Variants in LAMA2 observed in about 807,000 individuals in gnomAD.
LAMA2 encodes the protein laminin subunit alpha 2.
A neutral mutation model predicts 364.8 loss-of-function variants in LAMA2; 269 were observed. The observed-to-expected ratio is 0.74, with a 90% CI of 0.67 to 0.82. The LOEUF is 0.82. Among genes scored for constraint, LAMA2 ranks in the 40% least tolerant of loss-of-function variants. The pLI is 0.00. For synonymous variants in LAMA2, 1,379 were observed against 1,370.6 expected (o/e 1.01, Z -0.14); for missense variants, 3,807 against 3,873.2 (o/e 0.98, Z 0.45).
intron 12 of LAMA2, among the ~76,000 whole-genome samples, chr6:129,223,835 T>G (rs888521725): frequency 2.6e-5 from 4 of 152,214 alleles, no homozygotes; most frequent in African/African-American, 7.2e-5. Context: ...GGCTCTTTTT[T>G]GGTTCCATAT....
intron 4 of LAMA2, among the ~76,000 whole-genome samples, chr6:129,112,652 G>A (rs1776226283): frequency 6.6e-6 from 1 of 151,652 alleles, no homozygotes; most frequent in Admixed American, 6.6e-5. Context: ...GCTTTTGGGG[G>A]ATTAGATAAG....
intron 12 of LAMA2, among the ~76,000 whole-genome samples, chr6:129,213,144 T>C (rs425671): frequency 0.034 from 5,182 of 152,306 alleles, 319 homozygotes; most frequent in African/African-American, 0.12. Context: ...TCTTTTCAGG[T>C]TGGCTTTTTT....
At chr6:128,944,735 G>A (rs150214536) in intron 1 of LAMA2, among the ~76,000 whole-genome samples, 6 of 152,296 alleles carry the variant, frequency 3.9e-5, no homozygotes, top group African/African-American at 1.4e-4. Flanking sequence ...CTCTGGGGAG[G>A]CCTCAGGAAG....
chr6:129,312,997 A>T lies in LAMA2; in HGVS notation c.3311A>T (p.Asn1104Ile), dbSNP rs543276127. ...GGTCACTGGAACTACCCTCGCTGCA[A>T]TCTCTGTGACTGCTTCCTCCCTGGG... ...SRGHWNYPRC[N>I]LCDCFLPGTD... is the part of the protein sequence containing the mutation. Residue 1104 changes from asparagine to isoleucine, a missense_variant, in exon 23 of 65, where the codon AAT becomes ATT. Asn to Ile is a moderately radical substitution (Grantham distance 149). This residue lies in a region of LAMA2 where 3,333 missense variants were observed against 3,345.7 expected (regional missense o/e 1.00). Coordinates refer to ENST00000421865, the MANE Select transcript of LAMA2 (RefSeq NM_000426.4). 1 of 1,614,146 alleles carries T rather than the reference A, an allele frequency of 6.2e-7. No individual in the cohort carries two copies. The highest frequency in any genetic ancestry group is 2.2e-5 in the East Asian group (1 of 44,880).
chr6:129,516,211 T>TAACA lies in LAMA2; in HGVS notation c.9235_9238dup (p.Thr3080AsnfsTer26), dbSNP rs2114947621. 6.2e-7 allele frequency: 1 copy of TAACA among 1,614,130 alleles called. No homozygotes were observed. Among genetic ancestry groups the TAACA allele is most frequent in the East Asian group, 2.2e-5 (1 of 44,872 alleles). ...TCAGATGACCTCAAGCAGTTTGGCC[T>TAACA]AACAACCAGTATTCCGTTCCGAGGT... On this transcript the variant is annotated frameshift_variant, in exon 65 of 65. Coordinates refer to ENST00000421865, the MANE Select transcript of LAMA2 (RefSeq NM_000426.4). LOFTEE classifies it high-confidence loss of function.
intron 1 of LAMA2, among the ~76,000 whole-genome samples, chr6:129,045,076 C>T (rs1312779556): frequency 1.3e-5 from 2 of 152,110 alleles, no homozygotes; most frequent in East Asian, 1.9e-4. Flanking sequence ...TCATTAGCAA[C>T]TAATTGGAGA....
intron 1 of LAMA2, among the ~76,000 whole-genome samples, chr6:128,977,488 C>T (rs947227583): frequency 2.0e-5 from 3 of 152,122 alleles, no homozygotes; most frequent in Admixed American, 1.3e-4. Context: ...CTCTCAAACT[C>T]CTGGGCCAAG....
rs143333246 is a variant in LAMA2, at chr6:129,383,183, G to A, written c.5021G>A (p.Arg1674Lys). ...TGQDAERTNT[R>K]AKSLGEFIKE... ...CAGGATGCTGAGAGGACCAACACAA[G>A]AGCAAAGTCCCTGGGAGAATTCATT... The change falls in exon 35 of 65, where the codon AGA becomes AAA. Residue 1674 changes from arginine (R) to lysine (K), a missense_variant. By Grantham distance (26) the Arg-to-Lys change is conservative. This residue lies in a region of LAMA2 where 3,333 missense variants were observed against 3,345.7 expected (regional missense o/e 1.00). Transcript: ENST00000421865. 259 of 1,613,896 alleles carry A rather than the reference G, an allele frequency of 1.6e-4. 1 individual carries two copies. The African/African-American group carries it at 3.3e-3, about 20-fold the overall frequency.
At chr6:129,369,070 T>C (rs1777930425) in intron 33 of LAMA2, among the ~76,000 whole-genome samples, 1 of 152,226 alleles carries the variant, frequency 6.6e-6, no homozygotes, top group South Asian at 2.1e-4. Flanking sequence ...AACTGGGTGC[T>C]ATTCAGAAGT....
chr6:129,377,103 A>G lies in LAMA2; in HGVS notation c.4960-6019A>G, dbSNP rs541637281. 1.2e-3 allele frequency among the ~76,000 whole-genome samples: 179 copies of G among 152,224 alleles called. 2 individuals are homozygous for G. The highest frequency in any genetic ancestry group is 1.5e-3 in the Non-Finnish European group (99 of 68,014). Reference sequence around the variant, plus strand: ...TATATTTATAATTATATTGTTGAATATTTTGTTTTCATTGATAAACACCTC... The same window carrying G: ...TATATTTATAATTATATTGTTGAATGTTTTGTTTTCATTGATAAACACCTC... On this transcript the variant is annotated intron_variant, in intron 34 of 64. Transcript: ENST00000421865.
intron 1 of LAMA2, among the ~76,000 whole-genome samples, chr6:129,048,480 CTTTCTTTCTTTCT>C (rs1562187719): frequency 0.024 from 1,650 of 69,374 alleles, 12 homozygotes; most frequent in Middle Eastern, 0.032. Context: ...TTCTTTCTTT[CTTTCTTTCTTTCT>C]TTCCTTCCTT....
intron 1 of LAMA2, among the ~76,000 whole-genome samples, chr6:128,923,189 C>T (rs1384141790): frequency 2.7e-5 from 4 of 148,178 alleles, no homozygotes; most frequent in South Asian, 2.2e-4. Context: ...CTTGGCGATG[C>T]GGGCTCTTTT....
rs1372120206 is a variant in LAMA2 at position 129,315,868 on chromosome 6, C to A, written c.3842C>A (p.Pro1281His). 3 of 1,613,892 alleles carry A rather than the reference C, an allele frequency of 1.9e-6. No individual in the cohort carries two copies. The highest frequency in any genetic ancestry group is 1.7e-6 in the Non-Finnish European group (2 of 1,179,970). ...NPQVIIRGGT[P>H]THARIIVRHM... ...CAAGTGATCATTCGAGGTGGGACAC[C>A]TACTCATGCTAGAATTATCGTCAGG... The change falls in exon 26 of 65, where the codon CCT becomes CAT. Residue 1281 changes from proline (P) to histidine (H), a missense_variant. Physicochemically the swap from Pro to His is moderately conservative, Grantham distance 77. This residue lies in a region of LAMA2 where 3,333 missense variants were observed against 3,345.7 expected (regional missense o/e 1.00). Transcript: ENST00000421865.
chr6:129,096,565 C>T (rs911181250), intron 3 of LAMA2, among the ~76,000 whole-genome samples: 3 of 152,180 alleles, frequency 2.0e-5, no homozygotes, highest in African/African-American at 7.2e-5. Context: ...CAGTATTTCT[C>T]ACCTGCAGTG....
intron 1 of LAMA2, among the ~76,000 whole-genome samples, chr6:128,948,142 G>A (rs1305653031): frequency 6.6e-6 from 1 of 152,080 alleles, no homozygotes; most frequent in Non-Finnish European, 1.5e-5. Context: ...TGGGATAGGG[G>A]TGGTCTTGGG....
intron 12 of LAMA2, among the ~76,000 whole-genome samples, chr6:129,233,205 C>T (rs915917875): frequency 6.6e-6 from 1 of 152,126 alleles, no homozygotes; most frequent in Non-Finnish European, 1.5e-5. Flanking sequence ...GGAATATTCA[C>T]CTACAGAACC....
chr6:129,218,778 T>C (rs265356), intron 12 of LAMA2, among the ~76,000 whole-genome samples: 139,279 of 152,196 alleles, frequency 0.92, 64,611 homozygotes, highest in Non-Finnish European at 0.99. Flanking sequence ...CTATATGTTA[T>C]ATTGAAAAAA....
At chr6:129,265,547 G>A (rs908293522) in intron 15 of LAMA2, among the ~76,000 whole-genome samples, 16 of 152,024 alleles carry the variant, frequency 1.1e-4, no homozygotes, top group Admixed American at 5.2e-4. Flanking sequence ...CTTCTATAAT[G>A]AATCTAGGGA....
At chr6:129,016,734 T>C (rs1785096263) in intron 1 of LAMA2, among the ~76,000 whole-genome samples, 1 of 151,914 alleles carries the variant, frequency 6.6e-6, no homozygotes, top group Non-Finnish European at 1.5e-5. Context: ...TTGATCTATA[T>C]GATGGTTACA....
Sources: allele counts gnomAD v4.1 joint callset (sites outside exome capture counted in the v4.1 genomes callset), GRCh38; gene constraint gnomAD v4.1.1; regional missense constraint gnomAD v4.1.1; transcripts MANE v1.5; gene names NCBI Gene and HGNC (gene_info 2026-07-23, HGNC 2026-07-21).